STK4: variants seen among roughly 807,000 people sequenced by gnomAD.
STK4 encodes the protein serine/threonine kinase 4.
Under a neutral mutation model 64.9 loss-of-function variants are expected in STK4, and 30 were observed. The ratio of observed to expected loss-of-function variants is 0.46; its 90% CI spans 0.35 to 0.63. The LOEUF is 0.63. STK4 is among the 20% of genes least tolerant of loss of function. STK4 has a pLI of 0.01. For missense variants in STK4, 466 were observed against 598.5 expected, an observed-to-expected ratio of 0.78 and a Z score of 2.31; for synonymous variants, 177 against 199.0, an observed-to-expected ratio of 0.89 and a Z score of 0.93.
At chr20:45,033,396 A>G (rs906657970) in intron 10 of STK4, among the ~76,000 whole-genome samples, 6 of 152,028 alleles carry the variant, frequency 3.9e-5, no homozygotes, top group East Asian at 3.8e-4. Flanking sequence ...TAGGGTTTTT[A>G]TAGTTTTAGG....
intron 5 of STK4, among the ~76,000 whole-genome samples, chr20:44,987,574 A>G (rs1884998231): frequency 6.6e-6 from 1 of 152,182 alleles, no homozygotes. Context: ...ACATATTTAT[A>G]AAAGGAAGAA....
chr20:45,075,675 C>T lies in STK4; in HGVS notation c.*499C>T, dbSNP rs1235565283. 2.0e-5 allele frequency: 3 copies of T among 152,826 alleles called. No homozygotes were observed. Among genetic ancestry groups the T allele is most frequent in the African/African-American group, 7.2e-5 (3 of 41,432 alleles). The allele number at this position is 152,826 out of a possible 1,614,324, so 9.5% of individuals were successfully genotyped here. On this transcript the variant is annotated 3_prime_UTR_variant, in exon 11 of 11. Transcript: ENST00000372806. ...CTGTGGAACATGAGGGCAGAGGACA[C>T]CGGGAGGCTGTTAGGGGGTCACTGA...
intron 7 of STK4, among the ~76,000 whole-genome samples, chr20:44,998,826 T>C (rs1386490143): frequency 6.6e-6 from 1 of 151,846 alleles, no homozygotes; most frequent in Non-Finnish European, 1.5e-5. Context: ...ATCCCAGCAC[T>C]TTGGGAGGCT....
intron 10 of STK4, among the ~76,000 whole-genome samples, chr20:45,064,861 T>C (rs1979429225): frequency 1.3e-5 from 2 of 152,224 alleles, no homozygotes; most frequent in Non-Finnish European, 2.9e-5. Context: ...GCAAAGTCTA[T>C]AGGGTTTTCT....
At chr20:45,024,815 A>T (rs890238218) in intron 9 of STK4, among the ~76,000 whole-genome samples, 158 bp from the exon 10 acceptor site, 3 of 152,188 alleles carry the variant, frequency 2.0e-5, no homozygotes, top group African/African-American at 7.2e-5. Context: ...GGATTTGTGC[A>T]TTTTTTGTAG....
intron 10 of STK4, among the ~76,000 whole-genome samples, chr20:45,058,856 A>G (rs1050609726): frequency 6.6e-6 from 1 of 152,166 alleles, no homozygotes; most frequent in African/African-American, 2.4e-5. Context: ...GCTTTCAAAC[A>G]TCAAGAGCCT....
rs182922361 is a variant in STK4 at position 44,972,050 on chromosome 20, T to A, written c.36-28T>A. ...TCTAGTTCCTAGCAAATAAAATGTA[T>A]TTTGTGTTTATATTTCTTTATTCAC... On this transcript the variant is annotated intron_variant, in intron 1 of 10. Transcript: ENST00000372806. 1.9e-6 allele frequency: 3 copies of A among 1,596,862 alleles called. No homozygotes were observed. The East Asian group carries it at 6.7e-5, about 36-fold the overall frequency.
chr20:45,036,065 G>A (rs192068281), intron 10 of STK4, among the ~76,000 whole-genome samples: 16 of 152,214 alleles, frequency 1.1e-4, no homozygotes, highest in African/African-American at 3.6e-4. Context: ...ACAATGTATT[G>A]TATTTTGAAA....
chr20:44,993,856 G>A (rs955355263), intron 5 of STK4, among the ~76,000 whole-genome samples: 1 of 152,034 alleles, frequency 6.6e-6, no homozygotes, highest in African/African-American at 2.4e-5. Flanking sequence ...GTGGGCGCCT[G>A]TAATCCAAGC....
At chr20:44,984,387 A>G (rs1440307016) in intron 4 of STK4, among the ~76,000 whole-genome samples, 1 of 151,868 alleles carries the variant, frequency 6.6e-6, no homozygotes, top group African/African-American at 2.4e-5. Flanking sequence ...TATTTTTAGT[A>G]GAGACGTGGT....
At chr20:45,012,780 T>C (rs1342264929) in intron 9 of STK4, among the ~76,000 whole-genome samples, 1 of 138,920 alleles carries the variant, frequency 7.2e-6, no homozygotes, top group Non-Finnish European at 1.5e-5. Context: ...TTATATATAA[T>C]CTTCTTCTTC....
chr20:44,967,041 T>G, intron 1 of STK4: 2 of 634,032 alleles, frequency 3.2e-6, no homozygotes, highest in Non-Finnish European at 3.9e-6. Context: ...AAGTCCCACT[T>G]GAGGGGTGCG....
intron 10 of STK4, among the ~76,000 whole-genome samples, chr20:45,047,301 C>G (rs899721708): frequency 6.6e-6 from 1 of 152,068 alleles, no homozygotes; most frequent in African/African-American, 2.4e-5. Context: ...GTGACCTGTC[C>G]CACCCTTGGT....
At chr20:45,020,708 G>T (rs1346566440) in intron 9 of STK4, among the ~76,000 whole-genome samples, 1 of 152,068 alleles carries the variant, frequency 6.6e-6, no homozygotes, top group African/African-American at 2.4e-5. Context: ...AGCTGGGGAT[G>T]GCTGATTTAT....
intron 8 of STK4, 85 bp downstream of exon 8, chr20:45,000,605 A>G (rs2067820227): frequency 6.4e-7 from 1 of 1,572,788 alleles, no homozygotes; most frequent in South Asian, 1.1e-5. Context: ...AGTAGGAGGT[A>G]TTGGATCAAC....
At chr20:45,027,096 C>T (rs2068362311) in intron 10 of STK4, among the ~76,000 whole-genome samples, 1 of 152,146 alleles carries the variant, frequency 6.6e-6, no homozygotes, top group Admixed American at 6.5e-5. Flanking sequence ...ATCTGTAGTA[C>T]TTCTAAGCTT....
intron 9 of STK4, among the ~76,000 whole-genome samples, chr20:45,023,095 T>C (rs1178137154): frequency 6.6e-6 from 1 of 152,234 alleles, no homozygotes; most frequent in Non-Finnish European, 1.5e-5. Flanking sequence ...CTTGGGACCG[T>C]GTCTCACTCT....
At chr20:45,040,191 G>T (rs2068590952) in intron 10 of STK4, among the ~76,000 whole-genome samples, 1 of 151,874 alleles carries the variant, frequency 6.6e-6, no homozygotes, top group African/African-American at 2.4e-5. Context: ...CATTTCATTA[G>T]AGGTTACAAA....
intron 10 of STK4, chr20:45,053,107 T>G: frequency 6.2e-7 from 1 of 1,612,690 alleles, no homozygotes; most frequent in South Asian, 1.1e-5. Flanking sequence ...AGAACAGCAG[T>G]CTGGAAAAGA....
Sources: gnomAD v4.1 joint callset for allele counts (sites outside exome capture counted in the v4.1 genomes callset) on GRCh38, gnomAD v4.1.1 for gene constraint, MANE v1.5 for transcripts, NCBI Gene and HGNC (gene_info 2026-07-23, HGNC 2026-07-21) for gene names.